SYCP2: variants seen among roughly 807,000 people sequenced by gnomAD.
The protein encoded by SYCP2 is synaptonemal complex protein 2.
SYCP2 carries 55 observed loss-of-function variants against 211.3 expected under a neutral mutation model. The observed-to-expected ratio is 0.26, with a 90% CI of 0.21 to 0.33. The LOEUF is 0.33. Ranked by LOEUF, SYCP2 falls within the 10% of genes least tolerant of loss-of-function variation. The probability of loss-of-function intolerance (pLI) is 1.00; values close to 1 mark genes in which losing one functional copy is unlikely to be tolerated. For synonymous variants in SYCP2, 570 were observed against 555.2 expected (o/e 1.03, Z -0.37); for missense variants, 1,731 against 1,752.0 (o/e 0.99, Z 0.21).
chr20:59,905,007 T>G (rs1471013384), intron 15 of SYCP2, among the ~76,000 whole-genome samples: 4 of 152,164 alleles, frequency 2.6e-5, no homozygotes, highest in Non-Finnish European at 1.5e-5. Context: ...ACCAACATCA[T>G]AAACTAAGCA....
intron 31 of SYCP2, among the ~76,000 whole-genome samples, chr20:59,878,643 T>C (rs2059606283): frequency 6.6e-6 from 1 of 152,106 alleles, no homozygotes; most frequent in Admixed American, 6.6e-5. Flanking sequence ...CTGCAGGTCT[T>C]AGTTACTTGC....
rs760123790 is a variant in SYCP2 at position 59,916,536 on chromosome 20, T to C, written c.463A>G (p.Ile155Val). The change falls in exon 8 of 45, where the codon ATT (isoleucine) becomes GTT (valine). Residue 155 changes from isoleucine (I) to valine (V), a missense_variant. This residue lies in a region of SYCP2 where 335 missense variants were observed against 378.8 expected (regional missense o/e 0.88). Coordinates refer to ENST00000357552, the MANE Select transcript of SYCP2 (RefSeq NM_014258.4). The stretch of plus-strand genomic sequence containing the variant: ...CTTGAGTCAATAACCAGGGAACAAA[T>C]GCGAGGTACGAAACTTTCCACTACT... ...KQVVESFVPR[I>V]CSLVIDSRVN... is the part of the protein sequence containing the mutation. The C allele has an allele frequency of 1.2e-6, 2 of 1,611,330 alleles. No homozygotes were observed. Among genetic ancestry groups the C allele is most frequent in the Non-Finnish European group, 1.7e-6 (2 of 1,177,612 alleles).
chr20:59,868,431 C>G lies in SYCP2; in HGVS notation c.3970G>C (p.Asp1324His), dbSNP rs371026312. The G allele has an allele frequency of 6.6e-5, 107 of 1,610,430 alleles. No homozygotes were observed. The highest frequency in any genetic ancestry group is 8.2e-5 in the Non-Finnish European group (97 of 1,178,118). Residue 1324 changes from aspartate to histidine, a missense_variant, in exon 38 of 45, where the codon GAT becomes CAT. Asp to His is a moderately conservative substitution (Grantham distance 81). Transcript: ENST00000357552. ...PKKLCKIEDADHHIHKMSESV... is the reference protein window; with the variant it reads ...PKKLCKIEDAHHHIHKMSESV... ...TACCTACTTTTGTGGATATGATGAT[C>G]TGCATCTTCAATTTTACACAGTTTT...
At position 59,895,489 on chromosome 20, in the gene SYCP2, G is replaced by A. The variant is rs1487739936; in HGVS notation, c.1613C>T (p.Ser538Leu). Residue 538 changes from serine (S) to leucine (L), a missense_variant, in exon 20 of 45, where the codon TCA (serine) becomes TTA (leucine). Ser to Leu is a moderately radical substitution (Grantham distance 145). Around this residue, in one of 3 missense-constraint regions of SYCP2, gnomAD observed 1,387 missense variants for 1,351.3 expected, o/e 1.03. Coordinates refer to ENST00000357552, the MANE Select transcript of SYCP2 (RefSeq NM_014258.4). The stretch of plus-strand genomic sequence containing the variant: ...TCCTTCTGATGATCTAGATTTCAGT[G>A]ATGCAGCATTATCCACTCTATTTTC... ...TSENRVDNAASLKSRSSEGRH... is the reference protein window; with the variant it reads ...TSENRVDNAALLKSRSSEGRH... 7 of 1,612,644 alleles carry A rather than the reference G, an allele frequency of 4.3e-6. No individual in the cohort carries two copies. Among genetic ancestry groups the A allele is most frequent in the Non-Finnish European group, 5.9e-6 (7 of 1,179,190 alleles).
chr20:59,875,984 AAT>A lies in SYCP2; in HGVS notation c.3151-517_3151-516del, dbSNP rs549001494. 1.6e-3 allele frequency among the ~76,000 whole-genome samples: 242 copies of A among 152,164 alleles called. 2 individuals are homozygous for A. The highest frequency in any genetic ancestry group is 5.0e-3 in the African/African-American group (208 of 41,496). The stretch of plus-strand genomic sequence containing the variant: ...CATTTTGATGCTCTGAATATCTGAC[AAT>A]AGAGATATTTTTAGGGTCTTCCTTT... On this transcript the variant is annotated intron_variant, in intron 33 of 44. Transcript: ENST00000357552.
intron 8 of SYCP2, among the ~76,000 whole-genome samples, chr20:59,916,046 T>C (rs1003183006): frequency 1.4e-4 from 21 of 152,124 alleles, no homozygotes; most frequent in African/African-American, 4.6e-4. Flanking sequence ...ACATAAACTA[T>C]AGAATATCAA....
chr20:59,930,191 C>T (rs2060710565), intron 2 of SYCP2, among the ~76,000 whole-genome samples: 1 of 152,050 alleles, frequency 6.6e-6, no homozygotes, highest in Non-Finnish European at 1.5e-5. Context: ...TTTGCCTATG[C>T]CTATGAAAGA....
intron 24 of SYCP2, among the ~76,000 whole-genome samples, chr20:59,890,187 G>A (rs903762605): frequency 2.0e-5 from 3 of 152,040 alleles, no homozygotes; most frequent in African/African-American, 7.3e-5. Flanking sequence ...AAGAAAACGT[G>A]GCATTATACA....
At chr20:59,909,307 CCTT>C (rs1262193957) in intron 14 of SYCP2, among the ~76,000 whole-genome samples, 1 of 152,182 alleles carries the variant, frequency 6.6e-6, no homozygotes, top group African/African-American at 2.4e-5. Context: ...TTTTAGTAAT[CCTT>C]CTTTTTAAAA....
intron 24 of SYCP2, among the ~76,000 whole-genome samples, chr20:59,887,779 T>G (rs1311879620): frequency 1.3e-5 from 2 of 151,812 alleles, no homozygotes; most frequent in African/African-American, 4.8e-5. Flanking sequence ...TTGATAAACC[T>G]TTAGTCAGGT....
chr20:59,916,064 A>C (rs2060434624), intron 8 of SYCP2, among the ~76,000 whole-genome samples: 3 of 152,158 alleles, frequency 2.0e-5, no homozygotes, highest in Admixed American at 2.0e-4. Flanking sequence ...CAAAAATAGA[A>C]TATAACATGA....
chr20:59,870,282 C>T (rs139740486), intron 35 of SYCP2, among the ~76,000 whole-genome samples: 82 of 151,796 alleles, frequency 5.4e-4, no homozygotes, highest in African/African-American at 1.9e-3. Flanking sequence ...CTGTTCTAAT[C>T]TTCATGTGTA....
intron 12 of SYCP2, among the ~76,000 whole-genome samples, chr20:59,913,364 G>A (rs150970536): frequency 5.3e-5 from 8 of 152,090 alleles, no homozygotes; most frequent in African/African-American, 1.4e-4. Flanking sequence ...TTACAATACC[G>A]TTAATTTCTT....
chr20:59,864,127 G>T lies in SYCP2; in HGVS notation c.*184C>A. 2.5e-6 allele frequency: 1 copy of T among 404,528 alleles called. No homozygotes were observed. The allele number at this position is 404,528 out of a possible 1,614,324, so 25.1% of individuals were successfully genotyped here. On this transcript the variant is annotated 3_prime_UTR_variant, in exon 45 of 45. Transcript: ENST00000357552. ...TATAGACAGAAGTCTTCTGGGCTTGGACTCATGTTATAGTGGTTCCCTCTC... is the reference window on the plus strand; with the variant it reads ...TATAGACAGAAGTCTTCTGGGCTTGTACTCATGTTATAGTGGTTCCCTCTC...
intron 29 of SYCP2, among the ~76,000 whole-genome samples, 165 bp downstream of exon 29, chr20:59,881,272 T>C (rs1268518811): frequency 6.6e-6 from 1 of 151,776 alleles, no homozygotes; most frequent in Non-Finnish European, 1.5e-5. Context: ...ATAATTTGCA[T>C]ATTAATTTAA....
At chr20:59,930,917 G>GT in intron 2 of SYCP2, among the ~76,000 whole-genome samples, 1 of 152,204 alleles carries the variant, frequency 6.6e-6, no homozygotes, top group South Asian at 2.1e-4. Flanking sequence ...AGTAATTACA[G>GT]TTTTAACCCT....
intron 2 of SYCP2, among the ~76,000 whole-genome samples, chr20:59,930,946 A>C (rs982172341): frequency 2.0e-5 from 3 of 152,250 alleles, no homozygotes; most frequent in Non-Finnish European, 4.4e-5. Flanking sequence ...GGCTGTCAAT[A>C]GTAAATAAGT....
chr20:59,920,351 A>G lies in SYCP2; in HGVS notation c.297+8T>C, dbSNP rs571871368. The G allele has an allele frequency of 3.8e-6, 6 of 1,594,168 alleles. No individual in the cohort carries two copies. In the East Asian group the frequency reaches 1.4e-4, roughly 36 times the overall value. On this transcript the variant is annotated splice_region_variant and intron_variant, in intron 5 of 44. Transcript: ENST00000357552. ...TTCACATGAATATGTTACATATTCTATACTTATCTTTTGTATTAGTCCTTG... is the reference window on the plus strand; with the variant it reads ...TTCACATGAATATGTTACATATTCTGTACTTATCTTTTGTATTAGTCCTTG...
At chr20:59,932,858 G>A (rs1456629201) in intron 1 of SYCP2, among the ~76,000 whole-genome samples, 1 of 152,128 alleles carries the variant, frequency 6.6e-6, no homozygotes, top group Non-Finnish European at 1.5e-5. Context: ...CCGCAGGTGG[G>A]GACGGCGGGA....
Sources: allele counts gnomAD v4.1 joint callset (sites outside exome capture counted in the v4.1 genomes callset), GRCh38; gene constraint gnomAD v4.1.1; regional missense constraint gnomAD v4.1.1; transcripts MANE v1.5; gene names NCBI Gene and HGNC (gene_info 2026-07-23, HGNC 2026-07-21).